Variants in MAGI2 observed in about 807,000 individuals in gnomAD.
MAGI2 encodes the protein membrane associated guanylate kinase, WW and PDZ domain containing 2.
A neutral mutation model predicts 133.3 loss-of-function variants in MAGI2; 35 were observed. The observed-to-expected ratio is 0.26, with a 90% CI of 0.20 to 0.35. The LOEUF (loss-of-function observed/expected upper bound fraction) is 0.35, where lower values mean the gene tolerates loss of function less well. Among genes scored for constraint, MAGI2 ranks in the 10% least tolerant of loss-of-function variants. MAGI2 has a pLI of 1.00. For missense variants in MAGI2, 1,636 were observed against 1,863.4 expected (o/e 0.88, Z 2.25); for synonymous variants, 729 against 710.6 (o/e 1.03, Z -0.41).
At position 78,887,903 on chromosome 7, in the gene MAGI2, A is replaced by C. The variant is rs180729362; in HGVS notation, c.418+119187T>G. 3.3e-5 allele frequency among the ~76,000 whole-genome samples: 5 copies of C among 152,276 alleles called. No individual in the cohort carries two copies. In the East Asian group the frequency reaches 9.7e-4, roughly 30 times the overall value. ...GGGCGCAGGACAGTGGGTGCAGCGC[A>C]CCGAGCATGAGCCATAGCAGGGTGA... On this transcript the variant is annotated intron_variant, in intron 2 of 21. Coordinates refer to ENST00000354212, the MANE Select transcript of MAGI2 (RefSeq NM_012301.4).
At chr7:78,659,883 A>T (rs12538311) in intron 2 of MAGI2, among the ~76,000 whole-genome samples, 42,343 of 152,040 alleles carry the variant, frequency 0.28, 6,272 homozygotes, top group Admixed American at 0.32. Flanking sequence ...ATTTTAAAAA[A>T]GTTAACTGAA....
intron 2 of MAGI2, among the ~76,000 whole-genome samples, chr7:78,878,127 G>A (rs1795567699): frequency 6.6e-6 from 1 of 152,110 alleles, no homozygotes; most frequent in African/African-American, 2.4e-5. Context: ...TTGAAGTAAA[G>A]ACCTTACCAC....
intron 5 of MAGI2, among the ~76,000 whole-genome samples, chr7:78,498,173 G>A (rs1794299762): frequency 6.6e-6 from 1 of 152,166 alleles, no homozygotes; most frequent in Non-Finnish European, 1.5e-5. Flanking sequence ...TAGTATGTGA[G>A]GTAATGCATA....
At chr7:78,084,098 A>C (rs1816352242) in intron 20 of MAGI2, among the ~76,000 whole-genome samples, 1 of 152,214 alleles carries the variant, frequency 6.6e-6, no homozygotes, top group Non-Finnish European at 1.5e-5. Context: ...TTACCATTGC[A>C]TCCTAAGAGC....
chr7:79,344,734 C>A (rs760447936), intron 1 of MAGI2, among the ~76,000 whole-genome samples: 1 of 152,014 alleles, frequency 6.6e-6, no homozygotes, highest in Non-Finnish European at 1.5e-5. Flanking sequence ...TGCGTTGTAC[C>A]TTGAGGGTAA....
At chr7:78,737,849 T>G (rs1822017357) in intron 2 of MAGI2, among the ~76,000 whole-genome samples, 1 of 152,080 alleles carries the variant, frequency 6.6e-6, no homozygotes, top group East Asian at 1.9e-4. Context: ...TAAAAAAATA[T>G]TTTTGGGGTC....
intron 1 of MAGI2, among the ~76,000 whole-genome samples, chr7:79,450,950 G>A (rs1849197832): frequency 6.6e-6 from 1 of 152,094 alleles, no homozygotes; most frequent in Non-Finnish European, 1.5e-5. Flanking sequence ...TGTCCTGTGG[G>A]CTATCACAGG....
chr7:78,195,140 C>CT (rs1173893593), intron 11 of MAGI2, 77 bp from the exon 12 acceptor site: 5 of 1,247,602 alleles, frequency 4.0e-6, no homozygotes, highest in Non-Finnish European at 5.4e-6. Flanking sequence ...TTAGGTTAAC[C>CT]TTTTTTGCCT....
intron 10 of MAGI2, chr7:78,252,134 T>C (rs547452406): frequency 4.8e-5 from 4 of 83,092 alleles, no homozygotes; most frequent in East Asian, 3.2e-4. Context: ...TGAGACCCTG[T>C]CTATTAAAAA....
Position 78,903,172 on chromosome 7 carries a change from C to CTTTTTTTTTTTTTTTTT in MAGI2, c.418+103901_418+103917dup, listed in dbSNP as rs10526268. ...TTCATGCAAGTGGGAGTTCCTGAATCTTTTTTTTTTTTTTTTTTTTTTTTT... is the reference window on the plus strand; with the variant it reads ...TTCATGCAAGTGGGAGTTCCTGAATCTTTTTTTTTTTTTTTTTTTTTTTTTTTTTTTTTTTTTTTTTT... On this transcript the variant is annotated intron_variant, in intron 2 of 21. Coordinates refer to ENST00000354212, the MANE Select transcript of MAGI2 (RefSeq NM_012301.4). Among the ~76,000 whole-genome samples the CTTTTTTTTTTTTTTTTT allele has an allele frequency of 2.1e-4, 12 of 56,120 alleles. 4 individuals carry two copies. Among genetic ancestry groups the CTTTTTTTTTTTTTTTTT allele is most frequent in the Admixed American group, 9.2e-4 (3 of 3,270 alleles). The allele number at this position is 56,120 out of a possible 152,430, so 36.8% of individuals were successfully genotyped here.
chr7:79,368,008 T>C (rs935750544), intron 1 of MAGI2, among the ~76,000 whole-genome samples: 1 of 151,518 alleles, frequency 6.6e-6, no homozygotes, highest in Non-Finnish European at 1.5e-5. Flanking sequence ...ACAGGATAAT[T>C]TCCTATGAAC....
At chr7:78,624,145 C>T (rs886252927) in intron 3 of MAGI2, among the ~76,000 whole-genome samples, 1 of 151,880 alleles carries the variant, frequency 6.6e-6, no homozygotes, top group African/African-American at 2.4e-5. Context: ...CTGTTCATGT[C>T]ATTTGCCCAC....
chr7:78,526,519 C>G (rs1245649516), intron 3 of MAGI2, among the ~76,000 whole-genome samples: 1 of 152,078 alleles, frequency 6.6e-6, no homozygotes, highest in Non-Finnish European at 1.5e-5. Context: ...AAAATTGTCC[C>G]CTTAATTCTG....
At chr7:79,449,133 G>C (rs1849059345) in intron 1 of MAGI2, among the ~76,000 whole-genome samples, 1 of 152,032 alleles carries the variant, frequency 6.6e-6, no homozygotes, top group Non-Finnish European at 1.5e-5. Flanking sequence ...GACATAATTT[G>C]TTTTTACCTT....
intron 2 of MAGI2, among the ~76,000 whole-genome samples, chr7:78,883,075 G>A (rs985871501): frequency 1.3e-5 from 2 of 152,072 alleles, no homozygotes; most frequent in Non-Finnish European, 1.5e-5. Context: ...ATCTTTCTTT[G>A]CTGATGATAC....
intron 2 of MAGI2, among the ~76,000 whole-genome samples, chr7:79,005,032 A>C (rs527241139): frequency 1.3e-5 from 2 of 151,854 alleles, no homozygotes; most frequent in East Asian, 3.9e-4. Context: ...CAGTGAGCTG[A>C]GATCGCACCA....
chr7:78,973,554 T>A (rs1803970344), intron 2 of MAGI2, among the ~76,000 whole-genome samples: 3 of 151,834 alleles, frequency 2.0e-5, no homozygotes, highest in Non-Finnish European at 2.9e-5. Context: ...GAGACTTTTT[T>A]TTTTTGTTAT....
intron 10 of MAGI2, among the ~76,000 whole-genome samples, chr7:78,224,920 A>G (rs1445333354): frequency 1.3e-5 from 2 of 152,018 alleles, no homozygotes; most frequent in Non-Finnish European, 2.9e-5. Context: ...AGGACCCCAG[A>G]CTGTCATTCC....
chr7:79,046,356 A>G (rs1489987678), intron 1 of MAGI2, among the ~76,000 whole-genome samples: 1 of 152,208 alleles, frequency 6.6e-6, no homozygotes, highest in African/African-American at 2.4e-5. Flanking sequence ...AAAGACAGCT[A>G]TCTACAACAA....
Sources: gnomAD v4.1 joint callset for allele counts (sites outside exome capture counted in the v4.1 genomes callset) on GRCh38, gnomAD v4.1.1 for gene constraint, MANE v1.5 for transcripts, NCBI Gene and HGNC (gene_info 2026-07-23, HGNC 2026-07-21) for gene names.